CASK: variants seen among roughly 807,000 people sequenced by gnomAD.
CASK encodes calcium/calmodulin dependent serine protein kinase.
Under a neutral mutation model 82.9 loss-of-function variants are expected in CASK, and 4 were observed. That is an observed-to-expected ratio of 0.05 (90% CI 0.02 to 0.11). The LOEUF (loss-of-function observed/expected upper bound fraction) is 0.11. Among genes scored for constraint, CASK ranks in the 10% least tolerant of loss-of-function variants. The pLI is 1.00. For missense variants in CASK, 358 were observed against 720.9 expected, an observed-to-expected ratio of 0.50 and a Z score of 5.76; for synonymous variants, 259 against 253.5, an observed-to-expected ratio of 1.02 and a Z score of -0.20.
chrX:41,881,159 G>C (rs1601936228), intron 1 of CASK, among the ~76,000 whole-genome samples: 1 of 111,718 alleles, frequency 9.0e-6, no homozygotes, highest in African/African-American at 3.3e-5. Flanking sequence ...TTTAGCTTAA[G>C]TATCTAAGAA....
intron 1 of CASK, among the ~76,000 whole-genome samples, chrX:41,870,329 G>A (rs754618883): frequency 8.9e-6 from 1 of 111,995 alleles, no homozygotes; most frequent in African/African-American, 3.2e-5. Context: ...TGATGTACCT[G>A]ATGAGCTAAA....
intron 5 of CASK, among the ~76,000 whole-genome samples, chrX:41,735,537 A>G (rs2068479880): frequency 9.0e-6 from 1 of 110,741 alleles, no homozygotes; most frequent in South Asian, 3.8e-4. Context: ...TATTGGCATA[A>G]TCTCCAAAAT....
intron 3 of CASK, among the ~76,000 whole-genome samples, chrX:41,775,677 C>T (rs1018685924): frequency 6.6e-5 from 7 of 105,777 alleles, no homozygotes; most frequent in African/African-American, 2.4e-4. Flanking sequence ...AAATGTGGCA[C>T]ATATACACCA....
At chrX:41,812,907 A>G (rs1238944392) in intron 2 of CASK, among the ~76,000 whole-genome samples, 1 of 112,182 alleles carries the variant, frequency 8.9e-6, no homozygotes, top group African/African-American at 3.2e-5. Flanking sequence ...AGGATACAAA[A>G]TCAATGTGCA....
chrX:41,898,018 T>G (rs2072301088), intron 1 of CASK, among the ~76,000 whole-genome samples: 1 of 111,913 alleles, frequency 8.9e-6, no homozygotes, highest in African/African-American at 3.2e-5. Context: ...CCCTCTTCAA[T>G]TTTTTGGAAG....
intron 11 of CASK, among the ~76,000 whole-genome samples, chrX:41,613,967 C>A (rs779919396): frequency 8.5e-4 from 95 of 112,266 alleles, no homozygotes; most frequent in African/African-American, 3.0e-3. Context: ...ATTACTGTAG[C>A]TATTTTTTAA....
intron 8 of CASK, among the ~76,000 whole-genome samples, chrX:41,644,782 C>T (rs190430774): frequency 2.7e-5 from 3 of 111,630 alleles, no homozygotes; most frequent in Admixed American, 9.6e-5. Flanking sequence ...CCCCTTGAGG[C>T]GTACTTGTCT....
chrX:41,838,222 C>T (rs1156882999), intron 2 of CASK, among the ~76,000 whole-genome samples: 1 of 111,865 alleles, frequency 8.9e-6, no homozygotes, highest in Non-Finnish European at 1.9e-5. Context: ...TTTGCATTTC[C>T]CTAATGGATA....
At position 41,524,008 on chromosome X, in the gene CASK, C is replaced by T. The variant is rs1469818271; in HGVS notation, c.2547G>A (p.Glu849=). ...PQALKVLRTA[E]FAPFVVFIAA... ...CAATGAAAACAACAAAAGGAGCAAA[C>T]TCTGCAGTTCTCAGGACCTTCAGTG... Residue 849 remains glutamate (E), a synonymous_variant, in exon 26 of 27, where the codon GAG becomes GAA. Transcript: ENST00000378163. 3 of 1,189,644 alleles carry T rather than the reference C, an allele frequency of 2.5e-6. No homozygotes were observed. The highest frequency in any genetic ancestry group is 3.6e-5 in the African/African-American group (2 of 55,553).
In CASK at chrX:41,517,770, TAGCAGCAGCAGCAGCAGCAGCAGCAGC is replaced by T. The variant is rs760277976; in HGVS notation, c.*2623_*2649del. Reference sequence around the variant, plus strand: ...TTAGTGGACAATTGTAATGTAGCAGTAGCAGCAGCAGCAGCAGCAGCAGCAGCAGCAGCAGCAGCAGCAGCAGCAGCA... The same window carrying T: ...TTAGTGGACAATTGTAATGTAGCAGTAGCAGCAGCAGCAGCAGCAGCAGCA... On this transcript the variant is annotated 3_prime_UTR_variant, in exon 27 of 27. Transcript: ENST00000378163. 2.3e-4 allele frequency: 165 copies of T among 708,286 alleles called. No homozygotes were observed. The African/African-American group carries it at 2.6e-3, about 11-fold the overall frequency. The allele number at this position is 708,286 out of a possible 1,213,427, so 58.4% of individuals were successfully genotyped here. A position where few individuals can be genotyped will look rare whatever the true frequency, so the allele number is the denominator to read the frequency against.
chrX:41,625,819 G>A (rs1399920423), intron 10 of CASK, among the ~76,000 whole-genome samples: 2 of 108,101 alleles, frequency 1.9e-5, no homozygotes, highest in South Asian at 4.0e-4. Flanking sequence ...TCGCATTATC[G>A]CCCAGGCTGG....
At chrX:41,880,676 A>G in intron 1 of CASK, among the ~76,000 whole-genome samples, 1 of 112,123 alleles carries the variant, frequency 8.9e-6, no homozygotes, top group Non-Finnish European at 1.9e-5. Context: ...GCCTCAGTCT[A>G]GCCAGGAGAT....
At chrX:41,862,916 T>C (rs1349404452) in intron 1 of CASK, among the ~76,000 whole-genome samples, 3 of 111,594 alleles carry the variant, frequency 2.7e-5, no homozygotes, top group African/African-American at 9.8e-5. Context: ...AAAGAACTGA[T>C]AGAAGGCTGA....
chrX:41,786,887 G>T, intron 3 of CASK: 1 of 287,664 alleles, frequency 3.5e-6, no homozygotes, highest in Non-Finnish European at 6.2e-6. Context: ...GACTTCTACT[G>T]GTCAGAAGTT....
chrX:41,745,516 A>T lies in CASK; in HGVS notation c.356+8T>A. 8.6e-7 allele frequency: 1 copy of T among 1,156,423 alleles called. No homozygotes were observed. The highest frequency in any genetic ancestry group is 1.2e-6 in the Non-Finnish European group (1 of 845,341). On this transcript the variant is annotated splice_region_variant and intron_variant, in intron 4 of 26. Transcript: ENST00000378163. ...TTGACCTCTGGTGATTAGATATACA[A>T]TACATACCTGGCTACAGCTTCACTG... is the stretch of plus-strand genomic sequence containing the variant.
At chrX:41,910,640 C>T (rs2072546198) in intron 1 of CASK, among the ~76,000 whole-genome samples, 1 of 111,591 alleles carries the variant, frequency 9.0e-6, no homozygotes, top group African/African-American at 3.3e-5. Flanking sequence ...CAGTTTAAAG[C>T]CCACTCTACC....
At chrX:41,602,592 T>A (rs1355799780) in intron 12 of CASK, among the ~76,000 whole-genome samples, 1 of 110,866 alleles carries the variant, frequency 9.0e-6, no homozygotes, top group Non-Finnish European at 1.9e-5. Context: ...CTTTTTCTTG[T>A]CTTAGCTGCA....
rs185453629 is a variant in CASK, at chrX:41,714,994, G to T, written c.429+24390C>A. On this transcript the variant is annotated intron_variant, in intron 5 of 26. Coordinates refer to ENST00000378163, the MANE Select transcript of CASK (RefSeq NM_001367721.1). ...GGGATTCTACTGAGACTTGGACAGG[G>T]CCCCGTAAACAGCTCTCAACTGACC... Among the ~76,000 whole-genome samples the T allele has an allele frequency of 1.8e-3, 203 of 112,177 alleles. 1 individual carries two copies. The highest frequency in any genetic ancestry group is 3.4e-3 in the Non-Finnish European group (183 of 53,209).
intron 2 of CASK, among the ~76,000 whole-genome samples, chrX:41,852,575 AATGT>A (rs1004708051): frequency 1.8e-5 from 2 of 111,649 alleles, no homozygotes; most frequent in Middle Eastern, 4.3e-3. Flanking sequence ...TATCTATAAT[AATGT>A]ATTGAAACAA....
Sources: allele counts gnomAD v4.1 joint callset (sites outside exome capture counted in the v4.1 genomes callset), GRCh38; gene constraint gnomAD v4.1.1; transcripts MANE v1.5; gene names NCBI Gene and HGNC (gene_info 2026-07-23, HGNC 2026-07-21).